The following SDK1 variants were observed in gnomAD, a reference collection of about 807,000 sequenced individuals.
SDK1 encodes the protein protein sidekick-1.
A neutral mutation model predicts 245.5 loss-of-function variants in SDK1; 157 were observed. The observed-to-expected ratio is 0.64, with a 90% CI of 0.56 to 0.73. SDK1 has a LOEUF of 0.73. Ranked by LOEUF, SDK1 falls within the 30% of genes least tolerant of loss-of-function variation. The pLI is 0.00. For missense variants in SDK1, 3,583 were observed against 3,002.3 expected (o/e 1.19, Z -4.52); for synonymous variants, 1,647 against 1,278.5 (o/e 1.29, Z -6.15).
chr7:3,594,789 T>A (rs1240867716), intron 1 of SDK1, among the ~76,000 whole-genome samples: 1 of 152,206 alleles, frequency 6.6e-6, no homozygotes. Flanking sequence ...AATACTGATA[T>A]AAGAACCATC....
chr7:3,457,177 G>C lies in SDK1; in HGVS notation c.298+155293G>C, dbSNP rs555592695. On this transcript the variant is annotated intron_variant, in intron 1 of 44. Coordinates refer to ENST00000404826, the MANE Select transcript of SDK1 (RefSeq NM_152744.4). ...CTGGGATTCTGTTTGGTCCGGGCAA[G>C]GAGTGAGCCTGCCTTAGCTGCTGCC... 2.6e-5 allele frequency among the ~76,000 whole-genome samples: 4 copies of C among 152,230 alleles called. No individual in the cohort carries two copies. In the East Asian group the frequency reaches 7.7e-4, roughly 29 times the overall value.
intron 1 of SDK1, among the ~76,000 whole-genome samples, chr7:3,467,785 C>G (rs1369035519): frequency 6.6e-6 from 1 of 152,012 alleles, no homozygotes; most frequent in African/African-American, 2.4e-5. Flanking sequence ...GGATAGTGTT[C>G]AATTAAAATT....
In SDK1 at chr7:3,434,445, C is replaced by T. The variant is rs985753900; in HGVS notation, c.298+132561C>T. On this transcript the variant is annotated intron_variant, in intron 1 of 44. Coordinates refer to ENST00000404826, the MANE Select transcript of SDK1 (RefSeq NM_152744.4). ...ACCCTGAGGAAGTTTGCGTAGCTCGCGTGCCAACCACTTCTCTTGGAGAAG... is the reference window on the plus strand; with the variant it reads ...ACCCTGAGGAAGTTTGCGTAGCTCGTGTGCCAACCACTTCTCTTGGAGAAG... Among the ~76,000 whole-genome samples the T allele has an allele frequency of 4.6e-5, 7 of 152,268 alleles. No homozygotes were observed. In the East Asian group the frequency reaches 5.8e-4, roughly 13 times the overall value.
chr7:3,427,596 T>A (rs916958654), intron 1 of SDK1, among the ~76,000 whole-genome samples: 1 of 152,060 alleles, frequency 6.6e-6, no homozygotes, highest in African/African-American at 2.4e-5. Context: ...GTGCTTGTCT[T>A]CTTCATCTTG....
At chr7:3,527,416 C>G (rs555571000) in intron 1 of SDK1, among the ~76,000 whole-genome samples, 1 of 152,108 alleles carries the variant, frequency 6.6e-6, no homozygotes, top group Non-Finnish European at 1.5e-5. Context: ...AAGTGACTTT[C>G]AAGCAGAGAC....
chr7:3,751,623 C>G (rs914065412), intron 4 of SDK1, among the ~76,000 whole-genome samples: 1 of 152,198 alleles, frequency 6.6e-6, no homozygotes, highest in African/African-American at 2.4e-5. Flanking sequence ...CACCGACTTC[C>G]TCTTCAAAGG....
At chr7:4,238,388 T>G (rs1786316199) in intron 42 of SDK1, among the ~76,000 whole-genome samples, 1 of 151,720 alleles carries the variant, frequency 6.6e-6, no homozygotes, top group Admixed American at 6.6e-5. Context: ...CCTAATCACA[T>G]TTTTTAATAG....
At chr7:3,436,751 C>T (rs536691627) in intron 1 of SDK1, among the ~76,000 whole-genome samples, 7 of 152,012 alleles carry the variant, frequency 4.6e-5, no homozygotes, top group Admixed American at 6.6e-5. Flanking sequence ...TAAATTAGAA[C>T]AGATTCTTTG....
intron 2 of SDK1, among the ~76,000 whole-genome samples, chr7:3,631,175 C>T (rs931595322): frequency 1.3e-5 from 2 of 152,176 alleles, no homozygotes; most frequent in Non-Finnish European, 2.9e-5. Context: ...CTCAAGCGAT[C>T]CACCCACCTT....
intron 5 of SDK1, among the ~76,000 whole-genome samples, chr7:3,948,841 G>A (rs1475552860): frequency 6.6e-6 from 1 of 152,230 alleles, no homozygotes; most frequent in Non-Finnish European, 1.5e-5. Flanking sequence ...TTCCTCATCT[G>A]CCACCGTGGC....
chr7:3,336,041 A>G (rs983935844), intron 1 of SDK1, among the ~76,000 whole-genome samples: 24 of 152,114 alleles, frequency 1.6e-4, no homozygotes, highest in Non-Finnish European at 2.9e-4. Context: ...AGAAGCCTCC[A>G]TCCCTGAACC....
Position 3,399,724 on chromosome 7 carries a change from T to C in SDK1, c.298+97840T>C, listed in dbSNP as rs1778832168. On this transcript the variant is annotated intron_variant, in intron 1 of 44. Transcript: ENST00000404826. ...GTTGATGATTGGACACAAATCCCTTTTACTAAGTCTCCCATCCTTCTGTGA... is the reference window on the plus strand; with the variant it reads ...GTTGATGATTGGACACAAATCCCTTCTACTAAGTCTCCCATCCTTCTGTGA... Among the ~76,000 whole-genome samples the C allele has an allele frequency of 2.0e-5, 3 of 152,096 alleles. No homozygotes were observed. In the South Asian group the frequency reaches 6.2e-4, roughly 32 times the overall value.
At chr7:3,356,677 T>G (rs1780804077) in intron 1 of SDK1, among the ~76,000 whole-genome samples, 1 of 152,186 alleles carries the variant, frequency 6.6e-6, no homozygotes. Flanking sequence ...TTTTTCAATT[T>G]TTGCAAACCC....
At chr7:3,459,261 T>G (rs1583888190) in intron 1 of SDK1, among the ~76,000 whole-genome samples, 1 of 152,364 alleles carries the variant, frequency 6.6e-6, no homozygotes, top group Admixed American at 6.5e-5. Context: ...AGTACCTTTT[T>G]ATACTCCTCT....
At chr7:4,264,161 G>A (rs1228225064) in intron 44 of SDK1, among the ~76,000 whole-genome samples, 5 of 138,356 alleles carry the variant, frequency 3.6e-5, no homozygotes, top group Non-Finnish European at 4.7e-5. Flanking sequence ...GGGTGGCCGC[G>A]TAGAACTCTC....
intron 1 of SDK1, among the ~76,000 whole-genome samples, chr7:3,507,851 G>T (rs971670269): frequency 6.6e-6 from 1 of 152,120 alleles, no homozygotes; most frequent in African/African-American, 2.4e-5. Context: ...ACCTGCTTCA[G>T]TGTTGCTTTC....
intron 1 of SDK1, among the ~76,000 whole-genome samples, chr7:3,496,948 C>G (rs992987195): frequency 6.6e-6 from 1 of 152,234 alleles, no homozygotes; most frequent in South Asian, 2.1e-4. Flanking sequence ...GCAGCCAATC[C>G]AAATCCCCAT....
At chr7:3,574,505 GCT>G (rs1192189320) in intron 1 of SDK1, among the ~76,000 whole-genome samples, 1 of 152,030 alleles carries the variant, frequency 6.6e-6, no homozygotes, top group Non-Finnish European at 1.5e-5. Context: ...AACCAACGGG[GCT>G]AGCATGCTTG....
At chr7:3,612,915 C>G (rs1373620280) in intron 1 of SDK1, among the ~76,000 whole-genome samples, 7 of 152,020 alleles carry the variant, frequency 4.6e-5, no homozygotes, top group Non-Finnish European at 1.0e-4. Context: ...TACCCCCCAC[C>G]CCCCTTGTTT....
Sources: gnomAD v4.1 joint callset for allele counts (sites outside exome capture counted in the v4.1 genomes callset) on GRCh38, gnomAD v4.1.1 for gene constraint, MANE v1.5 for transcripts, NCBI Gene and HGNC (gene_info 2026-07-23, HGNC 2026-07-21) for gene names.